The following SAMMSON variants were observed in gnomAD, a reference collection of about 807,000 sequenced individuals.
SAMMSON encodes the protein long intergenic non-protein coding RNA 1212.
intron 2 of SAMMSON, among the ~76,000 whole-genome samples, chr3:70,402,555 A>G (rs1434914841): frequency 6.6e-6 from 1 of 152,178 alleles, no homozygotes; most frequent in East Asian, 1.9e-4. Context: ...TCTTAGGAAA[A>G]TGTATTTCAA....
At chr3:70,397,206 A>G (rs1379484052) in intron 2 of SAMMSON, among the ~76,000 whole-genome samples, 3 of 152,196 alleles carry the variant, frequency 2.0e-5, no homozygotes, top group Non-Finnish European at 4.4e-5. Context: ...TGTGATAGCT[A>G]TCATTTTAAT....
At chr3:70,311,767 TC>T (rs1203004260) in intron 7 of SAMMSON, 1 of 387,370 alleles carries the variant, frequency 2.6e-6, no homozygotes, top group African/African-American at 2.1e-5. Flanking sequence ...AGAGTGAAAA[TC>T]AGAAGTACTA....
intron 3 of SAMMSON, among the ~76,000 whole-genome samples, chr3:70,059,367 A>G (rs72935449): frequency 0.013 from 1,907 of 152,102 alleles, 35 homozygotes; most frequent in African/African-American, 0.043. Context: ...GATATGAGAG[A>G]TTGGCTTACA....
intron 7 of SAMMSON, among the ~76,000 whole-genome samples, chr3:70,293,353 T>G (rs1323913901): frequency 6.6e-6 from 1 of 152,144 alleles, no homozygotes; most frequent in Non-Finnish European, 1.5e-5. Context: ...TATTAATACA[T>G]TAAATAAGAC....
At chr3:70,287,515 T>C (rs951569112) in intron 6 of SAMMSON, among the ~76,000 whole-genome samples, 2 of 151,932 alleles carry the variant, frequency 1.3e-5, no homozygotes, top group African/African-American at 4.8e-5. Flanking sequence ...TGGTCTAAAA[T>C]TCTCTTTTTT....
intron 6 of SAMMSON, among the ~76,000 whole-genome samples, chr3:70,256,851 T>G (rs571154025): frequency 6.6e-6 from 1 of 152,322 alleles, no homozygotes; most frequent in African/African-American, 2.4e-5. Flanking sequence ...CACCTATGTC[T>G]GCAACTAGAA....
chr3:70,125,559 C>T, intron 4 of SAMMSON: 1 of 695,268 alleles, frequency 1.4e-6, no homozygotes, highest in South Asian at 1.5e-5. Context: ...GCATCAGCTT[C>T]AGTAACAGGT....
intron 4 of SAMMSON, among the ~76,000 whole-genome samples, chr3:70,229,296 T>A (rs1037638931): frequency 1.3e-5 from 2 of 152,198 alleles, no homozygotes; most frequent in African/African-American, 4.8e-5. Flanking sequence ...GGCAACCATG[T>A]CAGTGCCTAT....
chr3:70,068,132 C>T (rs1468723472), intron 3 of SAMMSON: 4 of 151,978 alleles, frequency 2.6e-5, no homozygotes, highest in African/African-American at 9.7e-5. Flanking sequence ...ACTGGCCAAA[C>T]TAAGAATAAC....
At chr3:70,367,407 T>A (rs1702930986) in intron 9 of SAMMSON, among the ~76,000 whole-genome samples, 1 of 151,622 alleles carries the variant, frequency 6.6e-6, no homozygotes, top group South Asian at 2.1e-4. Flanking sequence ...AATTTTTTAA[T>A]TGAAAACATC....
chr3:70,327,077 C>T (rs1022188290), intron 7 of SAMMSON, among the ~76,000 whole-genome samples: 23 of 152,080 alleles, frequency 1.5e-4, no homozygotes, highest in African/African-American at 5.3e-4. Context: ...AGGCTGGTCT[C>T]GAACTCTTCA....
chr3:70,063,486 C>G (rs997604880), intron 3 of SAMMSON, among the ~76,000 whole-genome samples: 1 of 152,024 alleles, frequency 6.6e-6, no homozygotes, highest in African/African-American at 2.4e-5. Flanking sequence ...TCTTGAGATC[C>G]CCATCAGCTT....
intron 4 of SAMMSON, among the ~76,000 whole-genome samples, chr3:70,179,790 CTTCTGCTTGAA>C (rs1466404645): frequency 6.6e-6 from 1 of 151,858 alleles, no homozygotes; most frequent in Non-Finnish European, 1.5e-5. Context: ...GGTCAATGAA[CTTCTGCTTGAA>C]TTCTTGGATT....
At chr3:70,148,043 A>G (rs12630832) in intron 4 of SAMMSON, among the ~76,000 whole-genome samples, 5,337 of 152,190 alleles carry the variant, frequency 0.035, 190 homozygotes, top group East Asian at 0.19. Flanking sequence ...GCTCAATATC[A>G]TTATCCATTA....
chr3:70,115,210 C>CAA (rs11456109), intron 4 of SAMMSON, among the ~76,000 whole-genome samples: 1,898 of 117,256 alleles, frequency 0.016, 34 homozygotes, highest in Middle Eastern at 0.023. Context: ...CTCTATTTTC[C>CAA]AAAAAAAAAA....
intron 2 of SAMMSON, among the ~76,000 whole-genome samples, chr3:70,423,592 G>A (rs1179235190): frequency 1.4e-5 from 2 of 145,590 alleles, no homozygotes; most frequent in East Asian, 4.2e-4. Context: ...AAACAGTCAG[G>A]CAATCAGTGA....
chr3:70,137,425 T>C (rs1324920252), intron 4 of SAMMSON, among the ~76,000 whole-genome samples: 1 of 152,202 alleles, frequency 6.6e-6, no homozygotes, highest in Non-Finnish European at 1.5e-5. Context: ...ATTAGAAGAA[T>C]AGTATTTCTT....
chr3:70,001,144 T>G (rs1408587490), intron 1 of SAMMSON, among the ~76,000 whole-genome samples: 1 of 152,094 alleles, frequency 6.6e-6, no homozygotes, highest in East Asian at 1.9e-4. Flanking sequence ...CCCGAACTTC[T>G]TAAAGAATTG....
At chr3:70,020,759 C>T (rs1035607164) in intron 3 of SAMMSON, among the ~76,000 whole-genome samples, 11 of 152,056 alleles carry the variant, frequency 7.2e-5, no homozygotes, top group Admixed American at 3.9e-4. Context: ...GTTGATCGAG[C>T]GCCTTTTACA....
Sources: gnomAD v4.1 joint callset for allele counts (sites outside exome capture counted in the v4.1 genomes callset) on GRCh38, gnomAD v4.1.1 for gene constraint, MANE v1.5 for transcripts, NCBI Gene and HGNC (gene_info 2026-07-23, HGNC 2026-07-21) for gene names.